METTL21A: variants seen among roughly 807,000 people sequenced by gnomAD.
METTL21A encodes protein N-lysine methyltransferase METTL21A.
In METTL21A, 22 loss-of-function variants were observed where a neutral mutation model predicts 20.9. That is an observed-to-expected ratio of 1.05 (90% CI 0.75 to 1.50). METTL21A has a LOEUF of 1.50. Ranked by LOEUF, METTL21A falls within the 40% of genes most tolerant of loss-of-function variation. METTL21A has a pLI of 0.00. For missense variants in METTL21A, 271 were observed against 266.8 expected, an observed-to-expected ratio of 1.02 and a Z score of -0.11; for synonymous variants, 93 against 102.0, an observed-to-expected ratio of 0.91 and a Z score of 0.53.
intron 3 of METTL21A, among the ~76,000 whole-genome samples, chr2:207,619,523 T>C (rs1004155636): frequency 6.6e-6 from 1 of 152,174 alleles, no homozygotes; most frequent in Non-Finnish European, 1.5e-5. Context: ...ATGAAAATCA[T>C]ACAGTAGCAG....
In METTL21A at chr2:207,586,777, A is replaced by G. The variant is rs77889948; in HGVS notation, c.260-4617T>C. Among the ~76,000 whole-genome samples the G allele has an allele frequency of 6.6e-3, 1,008 of 152,306 alleles. 13 individuals are homozygous for G. Among genetic ancestry groups the G allele is most frequent in the African/African-American group, 0.023 (958 of 41,576 alleles). ...GACATTTCTCAAAAGAAGACATACAAATGGCCAAGAAATATATTTGAAAAG... is the reference window on the plus strand; with the variant it reads ...GACATTTCTCAAAAGAAGACATACAGATGGCCAAGAAATATATTTGAAAAG... On this transcript the variant is annotated intron_variant, in intron 3 of 3. Transcript: ENST00000425132.
At chr2:207,603,141 A>G (rs1233840306) in intron 3 of METTL21A, 4 of 211,046 alleles carry the variant, frequency 1.9e-5, no homozygotes, top group Admixed American at 5.9e-5. Context: ...AATTCCCTAC[A>G]TTCTAGAAAC....
At chr2:207,624,518 AG>A in intron 1 of METTL21A, 114 bp from the exon 2 acceptor site, 2 of 911,484 alleles carry the variant, frequency 2.2e-6, no homozygotes, top group Non-Finnish European at 3.1e-6. Flanking sequence ...AAAAAGAAAC[AG>A]GTGGAGGAAG....
intron 3 of METTL21A, among the ~76,000 whole-genome samples, chr2:207,587,465 C>T (rs937790039): frequency 4.0e-5 from 6 of 151,402 alleles, no homozygotes; most frequent in African/African-American, 1.2e-4. Flanking sequence ...AGCAATCCTA[C>T]TACTGGGTAT....
chr2:207,594,361 G>A (rs191878346), intron 3 of METTL21A, among the ~76,000 whole-genome samples: 4 of 152,158 alleles, frequency 2.6e-5, no homozygotes, highest in African/African-American at 7.2e-5. Context: ...CTCTGTACCC[G>A]GTAAACAACA....
chr2:207,619,415 C>T (rs1156274874), intron 3 of METTL21A, among the ~76,000 whole-genome samples: 1 of 152,154 alleles, frequency 6.6e-6, no homozygotes, highest in African/African-American at 2.4e-5. Flanking sequence ...CTAGTACTCA[C>T]TGATTCTATT....
intron 2 of METTL21A, 95 bp from the exon 3 acceptor site, chr2:207,622,012 C>T (rs1027615620): frequency 1.9e-6 from 2 of 1,032,768 alleles, no homozygotes; most frequent in Non-Finnish European, 3.0e-6. Context: ...TCTCCCACTT[C>T]GAGGTTCAAT....
intron 3 of METTL21A, among the ~76,000 whole-genome samples, chr2:207,587,841 A>T (rs1337784482): frequency 6.6e-6 from 1 of 152,162 alleles, no homozygotes; most frequent in African/African-American, 2.4e-5. Flanking sequence ...ATGGACACAA[A>T]CTTACATCTA....
chr2:207,619,648 C>T lies in METTL21A; in HGVS notation c.259+2158G>A, dbSNP rs1412116397. On this transcript the variant is annotated intron_variant, in intron 3 of 3. Coordinates refer to ENST00000406927, the Ensembl canonical transcript of METTL21A. ...TACATATATATAATCATAATTACAA[C>T]TATGATTAAAAATACAGATGGAGAG... Among the ~76,000 whole-genome samples, 5 of 152,184 alleles carry T rather than the reference C, an allele frequency of 3.3e-5. No individual in the cohort carries two copies. The South Asian group carries it at 1.0e-3, about 32-fold the overall frequency.
At chr2:207,592,296 A>G (rs1469077307) in intron 3 of METTL21A, among the ~76,000 whole-genome samples, 1 of 151,972 alleles carries the variant, frequency 6.6e-6, no homozygotes, top group Non-Finnish European at 1.5e-5. Context: ...AGTCCCAGCT[A>G]CTCGGGAGGC....
intron 3 of METTL21A, chr2:207,600,792 C>A (rs775181755): frequency 3.3e-5 from 7 of 209,610 alleles, no homozygotes; most frequent in Non-Finnish European, 6.8e-5. Flanking sequence ...AGGATAAATC[C>A]CTGTAGGACA....
rs184390717 is a variant in METTL21A, at chr2:207,614,582, T to C, written c.260-1139A>G. Among the ~76,000 whole-genome samples the C allele has an allele frequency of 4.7e-3, 720 of 152,318 alleles. 6 individuals carry two copies. The highest frequency in any genetic ancestry group is 0.017 in the Middle Eastern group (5 of 294). ...CATGTTTTACGTATTTCTTGAAAAA[T>C]TGTAAGCTTAAAAATTACTTAATTT... On this transcript the variant is annotated intron_variant, in intron 3 of 3. Coordinates refer to ENST00000406927, the Ensembl canonical transcript of METTL21A.
At chr2:207,594,957 T>G (rs532763745) in intron 3 of METTL21A, among the ~76,000 whole-genome samples, 2 of 151,986 alleles carry the variant, frequency 1.3e-5, no homozygotes, top group Non-Finnish European at 2.9e-5. Flanking sequence ...TGGTTTTGAT[T>G]TGCATTTCCC....
At chr2:207,594,023 C>G (rs143275729) in intron 3 of METTL21A, among the ~76,000 whole-genome samples, 3 of 152,190 alleles carry the variant, frequency 2.0e-5, no homozygotes, top group Non-Finnish European at 4.4e-5. Flanking sequence ...ACCACACCAG[C>G]CCTCACAAAC....
intron 3 of METTL21A, 38 bp downstream of exon 3, chr2:207,621,768 G>C (rs376059408): frequency 2.6e-6 from 4 of 1,539,798 alleles, no homozygotes; most frequent in Non-Finnish European, 2.7e-6. Context: ...ACCTCTCAAT[G>C]AGTTCTGCTC....
upstream of METTL21A, chr2:207,625,726 C>T (rs973953810): frequency 6.6e-6 from 1 of 152,336 alleles, no homozygotes; most frequent in African/African-American, 2.4e-5. Context: ...CTCCGCCGCT[C>T]TCTGCCTCTG....
intron 3 of METTL21A, among the ~76,000 whole-genome samples, chr2:207,621,348 A>G (rs957197785): frequency 2.0e-5 from 3 of 152,248 alleles, no homozygotes; most frequent in Non-Finnish European, 4.4e-5. Flanking sequence ...AGCCCTCCCT[A>G]CAAGAGAAAA....
chr2:207,597,244 C>CA, intron 3 of METTL21A: 1 of 539,352 alleles, frequency 1.9e-6, no homozygotes, highest in South Asian at 3.7e-5. Context: ...CCAACACCTG[C>CA]CTCCACTTCT....
chr2:207,590,274 C>G (rs1192668917), intron 3 of METTL21A, among the ~76,000 whole-genome samples: 3 of 151,524 alleles, frequency 2.0e-5, no homozygotes, highest in Admixed American at 2.0e-4. Context: ...TAGGGATGTC[C>G]CCCCGCTTCA....
Sources: gnomAD v4.1 joint callset for allele counts (sites outside exome capture counted in the v4.1 genomes callset) on GRCh38, gnomAD v4.1.1 for gene constraint, MANE v1.5 for transcripts, NCBI Gene and HGNC (gene_info 2026-07-23, HGNC 2026-07-21) for gene names.